The following QARS1 variants were observed in gnomAD, a reference collection of about 807,000 sequenced individuals.
QARS1 encodes glutaminyl-tRNA synthetase 1.
A neutral mutation model predicts 106.9 loss-of-function variants in QARS1; 79 were observed. The ratio of observed to expected loss-of-function variants is 0.74; its 90% CI spans 0.62 to 0.89. QARS1 has a LOEUF of 0.89. Among genes scored for constraint, QARS1 ranks in the 40% least tolerant of loss-of-function variants. The pLI, the probability that QARS1 is intolerant of heterozygous loss-of-function variation, is 0.00. For synonymous variants in QARS1, 395 were observed against 367.7 expected (o/e 1.07, Z -0.85); for missense variants, 966 against 997.2 (o/e 0.97, Z 0.42).
In QARS1 at chr3:49,098,584, T is replaced by G; in HGVS notation, c.1956+16A>C. 1 of 1,607,688 alleles carries G rather than the reference T, an allele frequency of 6.2e-7. No individual in the cohort carries two copies. The highest frequency in any genetic ancestry group is 1.3e-5 in the African/African-American group (1 of 74,878). ...CCAGCAGGCACTGCAGTAGGAAGGC[T>G]GCAGCTGGCTCTCACCTTGACAACA... On this transcript the variant is annotated intron_variant, in intron 20 of 23. Coordinates refer to ENST00000306125, the MANE Select transcript of QARS1 (RefSeq NM_005051.3).
Position 49,098,001 on chromosome 3 carries a change from A to G in QARS1, c.2268T>C (p.His756=). The change falls in exon 23 of 24, where the codon CAT becomes CAC. Residue 756 remains histidine (H), a synonymous_variant. Transcript: ENST00000306125. ...LGYFSVDPDS[H]QGKLVFNRTV... ...GAGTAAAGTCAAGCACCTTTCCCTG[A>G]TGGCTGTCTGGATCCACGGAGAAAT... 2 of 1,614,170 alleles carry G rather than the reference A, an allele frequency of 1.2e-6. No individual in the cohort carries two copies. The highest frequency in any genetic ancestry group is 1.7e-6 in the Non-Finnish European group (2 of 1,180,024).
At position 49,104,630 on chromosome 3, in the gene QARS1, TC is replaced by T; in HGVS notation, c.103del (p.Glu35ArgfsTer39). The T allele has an allele frequency of 6.2e-7, 1 of 1,604,898 alleles. No homozygotes were observed. Reference sequence around the variant, plus strand: ...AGGGGCTCGCACCTGAGTAGCGGCCTCGCGCAGCTGCGCGCTCAGAGCCGAG... The same window carrying T: ...AGGGGCTCGCACCTGAGTAGCGGCCTGCGCAGCTGCGCGCTCAGAGCCGAG... The part of the protein sequence containing the change: ...KNSALSAQLR[E>X]AATQAQQTLG... On this transcript the variant is annotated frameshift_variant, in exon 1 of 24. Coordinates refer to ENST00000306125, the MANE Select transcript of QARS1 (RefSeq NM_005051.3). LOFTEE classifies it high-confidence loss of function.
chr3:49,097,991 C>G lies in QARS1; in HGVS notation c.2277+1G>C, dbSNP rs1193194264. The G allele has an allele frequency of 5.0e-6, 8 of 1,614,038 alleles. No individual in the cohort carries two copies. Among genetic ancestry groups the G allele is most frequent in the Non-Finnish European group, 5.9e-6 (7 of 1,180,022 alleles). On this transcript the variant is annotated splice_donor_variant, in intron 23 of 23. Transcript: ENST00000306125. LOFTEE classifies it high-confidence loss of function. ...GAGGGCAGGTGAGTAAAGTCAAGCA[C>G]CTTTCCCTGATGGCTGTCTGGATCC...
rs1195937735 is a variant in QARS1, at chr3:49,100,314, G to A, written c.1056-16C>T. 4.3e-6 allele frequency: 7 copies of A among 1,614,082 alleles called. No homozygotes were observed. Among genetic ancestry groups the A allele is most frequent in the African/African-American group, 2.7e-5 (2 of 74,960 alleles). ...AGCCAGACCCCTGTGGGGAAGCGGTGTGAGTGCCCAGCATGGCTGTGACCT... is the reference window on the plus strand; with the variant it reads ...AGCCAGACCCCTGTGGGGAAGCGGTATGAGTGCCCAGCATGGCTGTGACCT... On this transcript the variant is annotated splice_polypyrimidine_tract_variant and intron_variant, in intron 12 of 23. Coordinates refer to ENST00000306125, the MANE Select transcript of QARS1 (RefSeq NM_005051.3).
Position 49,101,639 on chromosome 3 carries a change from A to G in QARS1, c.770T>C (p.Leu257Pro). The G allele has an allele frequency of 6.2e-7, 1 of 1,613,788 alleles. No homozygotes were observed. The highest frequency in any genetic ancestry group is 8.5e-7 in the Non-Finnish European group (1 of 1,179,958). Residue 257 changes from leucine (L) to proline (P), a missense_variant, in exon 9 of 24, where the codon CTG (leucine) becomes CCG (proline). Leu to Pro is a moderately conservative substitution (Grantham distance 98). Coordinates refer to ENST00000306125, the MANE Select transcript of QARS1 (RefSeq NM_005051.3). ...PHTMNLLKQH[L>P]EITGGQVRTR... ...ACACACCTGCCCACCAGTAATCTCC[A>G]GGTGCTGCTTTAGTAGATTCATGGT...
Position 49,100,000 on chromosome 3 carries a change from C to T in QARS1, c.1256G>A (p.Arg419Gln), listed in dbSNP as rs538483140. The change falls in exon 14 of 24, where the codon CGA becomes CAA. Residue 419 changes from arginine to glutamine, a missense_variant. Physicochemically the swap from Arg to Gln is conservative, Grantham distance 43. Coordinates refer to ENST00000306125, the MANE Select transcript of QARS1 (RefSeq NM_005051.3). ...EDGKMDPVAYRVKYTPHHRTG... is the reference protein window; with the variant it reads ...EDGKMDPVAYQVKYTPHHRTG... The stretch of plus-strand genomic sequence containing the variant: ...GCGGTGGTGTGGTGTATACTTGACT[C>T]GATAGGCTACAGGGTCCATCTTGCC... 3.7e-6 allele frequency: 6 copies of T among 1,614,180 alleles called. No individual in the cohort carries two copies. Among genetic ancestry groups the T allele is most frequent in the South Asian group, 3.3e-5 (3 of 91,088 alleles).
At position 49,098,802 on chromosome 3, in the gene QARS1, G is replaced by A. The variant is rs567105969; in HGVS notation, c.1863+83C>T. The A allele has an allele frequency of 6.7e-6, 10 of 1,499,286 alleles. No homozygotes were observed. In the African/African-American group the frequency reaches 9.7e-5, roughly 15 times the overall value. 92.9% of individuals were successfully genotyped at this position (1,499,286 alleles called of 1,614,324 possible). On this transcript the variant is annotated intron_variant, in intron 19 of 23. Transcript: ENST00000306125. ...ATTGGTTCATCTGAAGCAGGAAGTA[G>A]ATGGACTGACAGAGATGAGGAGATG...
At chr3:49,103,561 T>C (rs1190912956) in intron 4 of QARS1, 70 bp downstream of exon 4, 1 of 1,573,652 alleles carries the variant, frequency 6.4e-7, no homozygotes, top group African/African-American at 1.4e-5. Flanking sequence ...CCCACCTCCT[T>C]CTCACTCGTG....
chr3:49,103,674 C>T lies in QARS1; in HGVS notation c.408G>A (p.Gln136=), dbSNP rs766846621. 6.2e-7 allele frequency: 1 copy of T among 1,613,878 alleles called. No individual in the cohort carries two copies. Among genetic ancestry groups the T allele is most frequent in the African/African-American group, 1.3e-5 (1 of 75,052 alleles). The change falls in exon 4 of 24, where the codon CAG becomes CAA. Residue 136 remains glutamine (Q), a synonymous_variant. Transcript: ENST00000306125. ...TGAAATGGTAACGTTCCACCAGGAG[C>T]TGGGGCCGGTGCCTGTTAATAGCAG... ...VEAAINRHRP[Q]LLVERYHFNM...
intron 7 of QARS1, 123 bp downstream of exon 7, chr3:49,102,082 A>T (rs2042478955): frequency 7.2e-7 from 1 of 1,380,594 alleles, no homozygotes; most frequent in African/African-American, 1.5e-5. Context: ...CAGGAATCCC[A>T]GTCTTGAGAC....
intron 5 of QARS1, chr3:49,102,696 C>A: frequency 1.6e-6 from 1 of 621,750 alleles, no homozygotes. Context: ...GGCTGGAATG[C>A]AATGGCACAG....
chr3:49,100,609 G>A lies in QARS1; in HGVS notation c.942C>T (p.Phe314=), dbSNP rs2042457140. The A allele has an allele frequency of 6.2e-7, 1 of 1,610,226 alleles. No homozygotes were observed. The highest frequency in any genetic ancestry group is 1.3e-5 in the African/African-American group (1 of 74,842). Residue 314 remains phenylalanine (F), a synonymous_variant, in exon 11 of 24, where the codon TTC becomes TTT. Coordinates refer to ENST00000306125, the MANE Select transcript of QARS1 (RefSeq NM_005051.3). ...DTNPEKEEAK[F]FTAICDMVAW... ...CTACCATGTCACAGATGGCCGTGAA[G>A]AACTTTGCTTCCTCCTTCTCAGGGT...
chr3:49,103,801 C>A, intron 3 of QARS1, 62 bp downstream of exon 3: 1 of 1,599,166 alleles, frequency 6.3e-7, no homozygotes, highest in Non-Finnish European at 8.6e-7. Flanking sequence ...AGGAGGGAAA[C>A]TGAGCCACTC....
chr3:49,104,372 C>A lies in QARS1; in HGVS notation c.217G>T (p.Val73Leu). Residue 73 changes from valine (V) to leucine (L), a missense_variant, in exon 2 of 24, where the codon GTA becomes TTA. Transcript: ENST00000306125. Reference sequence around the variant, plus strand: ...ATCTTCTTACTGGCTATGTAGCTTACAAGGAAGGAGAGACGCCGGGTATCC... The same window carrying A: ...ATCTTCTTACTGGCTATGTAGCTTAAAAGGAAGGAGAGACGCCGGGTATCC... The part of the protein sequence containing the change: ...LRDTRRLSFL[V>L]SYIASKKIHT... 2 of 1,613,970 alleles carry A rather than the reference C, an allele frequency of 1.2e-6. No homozygotes were observed. Among genetic ancestry groups the A allele is most frequent in the Non-Finnish European group, 1.7e-6 (2 of 1,179,962 alleles).
intron 9 of QARS1, 80 bp downstream of exon 9, chr3:49,101,540 G>A (rs1479104701): frequency 6.3e-7 from 1 of 1,577,786 alleles, no homozygotes; most frequent in Non-Finnish European, 8.7e-7. Context: ...TGATGGGTGA[G>A]ATGGGGCAGT....
chr3:49,104,278 G>A lies in QARS1; in HGVS notation c.265+46C>T. Reference sequence around the variant, plus strand: ...AAAAGGGAAGACAGGGGTCTTGGCTGAAGGGAGGCATTGGTGCGAACTGGC... The same window carrying A: ...AAAAGGGAAGACAGGGGTCTTGGCTAAAGGGAGGCATTGGTGCGAACTGGC... On this transcript the variant is annotated intron_variant, in intron 2 of 23. Coordinates refer to ENST00000306125, the MANE Select transcript of QARS1 (RefSeq NM_005051.3). The A allele has an allele frequency of 3.1e-6, 5 of 1,608,570 alleles. No individual in the cohort carries two copies. In the South Asian group the frequency reaches 3.3e-5, roughly 11 times the overall value.
chr3:49,099,487 A>C lies in QARS1; in HGVS notation c.1526+23T>G, dbSNP rs754028528. The C allele has an allele frequency of 7.4e-6, 12 of 1,614,132 alleles. 1 individual carries two copies. In the South Asian group the frequency reaches 1.3e-4, roughly 18 times the overall value. On this transcript the variant is annotated intron_variant, in intron 16 of 23. Transcript: ENST00000306125. ...TGGGAGCATATGCCATTAACCTTTCATAAGCCAAACAGCCGCACCTACCGC... is the reference window on the plus strand; with the variant it reads ...TGGGAGCATATGCCATTAACCTTTCCTAAGCCAAACAGCCGCACCTACCGC...
At position 49,100,194 on chromosome 3, in the gene QARS1, A is replaced by G. The variant is rs899079673; in HGVS notation, c.1160T>C (p.Phe387Ser). 6.2e-7 allele frequency: 1 copy of G among 1,614,182 alleles called. No homozygotes were observed. Among genetic ancestry groups the G allele is most frequent in the East Asian group, 2.2e-5 (1 of 44,882 alleles). Residue 387 changes from phenylalanine to serine, a missense_variant, in exon 13 of 24, where the codon TTT becomes TCT. Physicochemically the swap from Phe to Ser is radical, Grantham distance 155 (BLOSUM62 -2). Coordinates refer to ENST00000306125, the MANE Select transcript of QARS1 (RefSeq NM_005051.3). ...GATGCTCCTCTAGGACCCCACCTCA[A>G]AGAGCAGCAGTGACTCCTCCATGGG... ...DRPMEESLLLFEAMRKGKFSE... is the reference protein window; with the variant it reads ...DRPMEESLLLSEAMRKGKFSE...
chr3:49,101,941 T>G, intron 7 of QARS1, 42 bp from the exon 8 acceptor site: 1 of 1,572,458 alleles, frequency 6.4e-7, no homozygotes, highest in South Asian at 1.1e-5. Context: ...TCTAGATACA[T>G]TTACCATATC....
Sources: allele counts gnomAD v4.1 joint callset, GRCh38; gene constraint gnomAD v4.1.1; transcripts MANE v1.5; gene names NCBI Gene and HGNC (gene_info 2026-07-23, HGNC 2026-07-21).